The following CHIC1 variants were observed in gnomAD, a reference collection of about 807,000 sequenced individuals.
CHIC1 encodes cysteine rich hydrophobic domain 1.
A neutral mutation model predicts 18.5 loss-of-function variants in CHIC1; 7 were observed. The ratio of observed to expected loss-of-function variants is 0.38; its 90% CI spans 0.22 to 0.71. The LOEUF (loss-of-function observed/expected upper bound fraction) is 0.71. Among genes scored for constraint, CHIC1 ranks in the 30% least tolerant of loss-of-function variants. The pLI is 0.49. For synonymous variants in CHIC1, 77 were observed against 73.5 expected, an observed-to-expected ratio of 1.05 and a Z score of -0.25; for missense variants, 159 against 176.9, an observed-to-expected ratio of 0.90 and a Z score of 0.57.
rs2057789725 is a variant in CHIC1 at position 73,627,612 on chromosome X, G to A, written c.507+43040G>A. On this transcript the variant is annotated intron_variant, in intron 3 of 5. Transcript: ENST00000373502. ...ACCTCATGCCACGAAGAATTCTACC[G>A]GAGCACCAGCCAATGTTTCCTTCAG... Among the ~76,000 whole-genome samples, 11 of 111,991 alleles carry A rather than the reference G, an allele frequency of 9.8e-5. No homozygotes were observed. In the South Asian group the frequency reaches 3.7e-3, roughly 38 times the overall value.
chrX:73,644,142 T>C (rs1264644675), intron 3 of CHIC1, among the ~76,000 whole-genome samples: 1 of 112,522 alleles, frequency 8.9e-6, no homozygotes, highest in Non-Finnish European at 1.9e-5. Flanking sequence ...CTCCAGACCC[T>C]GTTTGCCTGG....
intron 3 of CHIC1, among the ~76,000 whole-genome samples, chrX:73,591,995 C>T (rs1160296150): frequency 2.7e-5 from 3 of 110,977 alleles, no homozygotes; most frequent in Non-Finnish European, 5.7e-5. Context: ...TTTACTTTTC[C>T]ATATAAACTT....
At chrX:73,617,505 C>T (rs1043349104) in intron 3 of CHIC1, among the ~76,000 whole-genome samples, 3 of 111,227 alleles carry the variant, frequency 2.7e-5, no homozygotes, top group African/African-American at 6.6e-5. Context: ...TCCCATGTTG[C>T]GAATAAAGAC....
chrX:73,679,137 T>C (rs771661708), intron 3 of CHIC1, among the ~76,000 whole-genome samples, 189 bp from the exon 4 acceptor site: 1 of 112,069 alleles, frequency 8.9e-6, no homozygotes, highest in South Asian at 3.7e-4. Flanking sequence ...GATAATCTTA[T>C]TATAATAGTC....
chrX:73,645,409 T>G (rs2057884366), intron 3 of CHIC1, among the ~76,000 whole-genome samples: 2 of 111,927 alleles, frequency 1.8e-5, no homozygotes, highest in Non-Finnish European at 3.8e-5. Flanking sequence ...TATTTCAATT[T>G]TTTTGGATGT....
chrX:73,665,565 C>T (rs2058000568), intron 3 of CHIC1, among the ~76,000 whole-genome samples: 1 of 111,112 alleles, frequency 9.0e-6, no homozygotes, highest in Admixed American at 9.6e-5. Context: ...AACTGTTGTC[C>T]CATGATGAAA....
At chrX:73,670,551 G>C (rs937813574) in intron 3 of CHIC1, among the ~76,000 whole-genome samples, 1 of 109,544 alleles carries the variant, frequency 9.1e-6, no homozygotes, top group African/African-American at 3.3e-5. Flanking sequence ...GTTGGTTCTT[G>C]CTTTTCTAGT....
At chrX:73,667,433 G>C (rs1399065025) in intron 3 of CHIC1, among the ~76,000 whole-genome samples, 1 of 111,344 alleles carries the variant, frequency 9.0e-6, no homozygotes, top group African/African-American at 3.3e-5. Context: ...TTATGTGATT[G>C]CTTCATTGTG....
intron 4 of CHIC1, 89 bp downstream of exon 4, chrX:73,679,471 C>G: frequency 1.5e-6 from 1 of 653,805 alleles, no homozygotes; most frequent in Admixed American, 3.4e-5. Flanking sequence ...TTTTAGGCCA[C>G]AAAGGAATGG....
At chrX:73,657,222 G>C (rs1603349421) in intron 3 of CHIC1, among the ~76,000 whole-genome samples, 1 of 109,427 alleles carries the variant, frequency 9.1e-6, no homozygotes, top group East Asian at 2.9e-4. Flanking sequence ...ACCATGCCCG[G>C]CTACTTTTTT....
chrX:73,565,944 G>A (rs1278587479), intron 1 of CHIC1, among the ~76,000 whole-genome samples: 4 of 110,398 alleles, frequency 3.6e-5, no homozygotes, highest in Non-Finnish European at 7.6e-5. Context: ...AAATTTGAGA[G>A]CCCTCACCTC....
chrX:73,569,668 A>G (rs1428469690), intron 1 of CHIC1, among the ~76,000 whole-genome samples: 1 of 111,565 alleles, frequency 9.0e-6, no homozygotes, highest in Admixed American at 9.5e-5. Context: ...GTGTTTATTC[A>G]GCAGCAGCCA....
rs1307300920 is a variant in CHIC1, at chrX:73,577,419, C to T, written c.309C>T (p.Ser103=). 1.7e-6 allele frequency: 2 copies of T among 1,196,349 alleles called. No individual in the cohort carries two copies. The highest frequency in any genetic ancestry group is 3.0e-5 in the East Asian group (1 of 33,584). ...GAGHITVFGL[S]NKFDTEFPSV... ...GTTTGTTTTGAAGGTTTGGCTTGAG[C>T]AACAAGTTTGATACTGAATTTCCCT... Residue 103 remains serine, a synonymous_variant, in exon 2 of 6, where the codon AGC becomes AGT. Transcript: ENST00000373502.
intron 3 of CHIC1, among the ~76,000 whole-genome samples, chrX:73,674,793 C>T (rs1196758434): frequency 2.0e-4 from 22 of 107,729 alleles, no homozygotes; most frequent in Non-Finnish European, 1.3e-4. Context: ...AATGTGTTTG[C>T]TCTTGCTTTT....
intron 3 of CHIC1, among the ~76,000 whole-genome samples, chrX:73,671,328 A>G (rs1256838008): frequency 8.9e-6 from 1 of 112,070 alleles, no homozygotes; most frequent in African/African-American, 3.2e-5. Context: ...TTGGATGTCT[A>G]TATCTCTCCC....
rs1451256543 is a variant in CHIC1, at chrX:73,685,292, G to GT, written c.*4291dup. 1 of 111,393 alleles carries GT rather than the reference G, an allele frequency of 9.0e-6. No homozygotes were observed. Among genetic ancestry groups the GT allele is most frequent in the Non-Finnish European group, 1.9e-5 (1 of 52,923 alleles). 9.2% of individuals were successfully genotyped at this position (111,393 alleles called of 1,213,427 possible). Reference sequence around the variant, plus strand: ...CTTGGTGATGCTAAGAGTAAATGTAGTTTTCCTAGGAACTGAGCACTGAGG... The same window carrying GT: ...CTTGGTGATGCTAAGAGTAAATGTAGTTTTTCCTAGGAACTGAGCACTGAGG... On this transcript the variant is annotated 3_prime_UTR_variant, in exon 6 of 6. Transcript: ENST00000373502.
chrX:73,660,315 A>G lies in CHIC1; in HGVS notation c.508-19011A>G, dbSNP rs765678783. 2.9e-4 allele frequency among the ~76,000 whole-genome samples: 33 copies of G among 111,914 alleles called. No individual in the cohort carries two copies. The South Asian group carries it at 3.4e-3, about 11-fold the overall frequency. Reference sequence around the variant, plus strand: ...GCACCTTAGTCCAATGTGTGCCATTAATGAGGGACCCCACTGGGGGTAAAT... The same window carrying G: ...GCACCTTAGTCCAATGTGTGCCATTGATGAGGGACCCCACTGGGGGTAAAT... On this transcript the variant is annotated intron_variant, in intron 3 of 5. Coordinates refer to ENST00000373502, the MANE Select transcript of CHIC1 (RefSeq NM_001039840.4).
At chrX:73,582,634 G>C (rs2057533325) in intron 2 of CHIC1, among the ~76,000 whole-genome samples, 1 of 110,594 alleles carries the variant, frequency 9.0e-6, no homozygotes, top group South Asian at 3.8e-4. Context: ...TCATGCAGAA[G>C]AGAGCTGTTT....
chrX:73,672,388 G>A (rs1236111953), intron 3 of CHIC1, among the ~76,000 whole-genome samples: 1 of 111,519 alleles, frequency 9.0e-6, no homozygotes, highest in East Asian at 2.9e-4. Context: ...CCCACCAACA[G>A]TGTAAAAGTG....
Sources: gnomAD v4.1 joint callset for allele counts (sites outside exome capture counted in the v4.1 genomes callset) on GRCh38, gnomAD v4.1.1 for gene constraint, MANE v1.5 for transcripts, NCBI Gene and HGNC (gene_info 2026-07-23, HGNC 2026-07-21) for gene names.